C1QB: variants seen among roughly 807,000 people sequenced by gnomAD.
C1QB encodes complement C1q B chain.
In C1QB, 2 loss-of-function variants were observed where a neutral mutation model predicts 4.6. The ratio of observed to expected loss-of-function variants is 0.43; its 90% CI spans 0.18 to 1.36. The LOEUF is 1.36. Ranked by LOEUF, C1QB falls within the 40% of genes most tolerant of loss-of-function variation. C1QB has a pLI of 0.28. For missense variants in C1QB, 292 were observed against 338.0 expected (o/e 0.86, Z 1.07); for synonymous variants, 132 against 137.1 (o/e 0.96, Z 0.26).
At position 22,661,270 on chromosome 1, in the gene C1QB, C is replaced by G. The variant is rs746107945; in HGVS notation, c.640C>G (p.Leu214Val). 1 of 1,613,680 alleles carries G rather than the reference C, an allele frequency of 6.2e-7. No individual in the cohort carries two copies. The highest frequency in any genetic ancestry group is 8.5e-7 in the Non-Finnish European group (1 of 1,179,640). The change falls in exon 3 of 3, where the codon CTG (leucine) becomes GTG (valine). Residue 214 changes from leucine (L) to valine (V), a missense_variant. Leu to Val is a conservative substitution (Grantham distance 32). Coordinates refer to ENST00000509305, the MANE Select transcript of C1QB (RefSeq NM_001378156.1). ...QVTTGGMVLK[L>V]EQGENVFLQA... ...CACCACCGGTGGCATGGTCCTCAAG[C>G]TGGAGCAGGGGGAGAACGTCTTCCT...
Position 22,661,018 on chromosome 1 carries a change from G to T in C1QB, c.388G>T (p.Val130Phe). ...CTTCTCTGCCACAAGAACCATCAACGTCCCCCTGCGCCGGGACCAGACCAT... is the reference window on the plus strand; with the variant it reads ...CTTCTCTGCCACAAGAACCATCAACTTCCCCCTGCGCCGGGACCAGACCAT... ...IAFSATRTIN[V>F]PLRRDQTIRF... Residue 130 changes from valine (V) to phenylalanine (F), a missense_variant, in exon 3 of 3, where the codon GTC becomes TTC. Val to Phe is a conservative substitution (Grantham distance 50). Transcript: ENST00000509305. 6.2e-7 allele frequency: 1 copy of T among 1,613,814 alleles called. No individual in the cohort carries two copies. Among genetic ancestry groups the T allele is most frequent in the Non-Finnish European group, 8.5e-7 (1 of 1,179,938 alleles).
In C1QB at chr1:22,660,926, CA is replaced by C. The variant is rs1386448406; in HGVS notation, c.297del (p.Ala101ProfsTer43). On this transcript the variant is annotated frameshift_variant, in exon 3 of 3. Coordinates refer to ENST00000509305, the MANE Select transcript of C1QB (RefSeq NM_001378156.1). LOFTEE classifies it low-confidence loss of function (END_TRUNC). The part of the protein sequence containing the change: ...PKGPMGPKGG[P>X]GAPGAPGPKG... ...GGCCCCATGGGCCCTAAAGGTGGCC[CA>C]GGGGCCCCTGGAGCCCCAGGCCCCA... 1.9e-6 allele frequency: 3 copies of C among 1,613,546 alleles called. No individual in the cohort carries two copies. The highest frequency in any genetic ancestry group is 2.7e-5 in the African/African-American group (2 of 74,862).
At chr1:22,656,181 AT>A (rs1642529566) in intron 1 of C1QB, among the ~76,000 whole-genome samples, 1 of 152,232 alleles carries the variant, frequency 6.6e-6, no homozygotes, top group East Asian at 1.9e-4. Flanking sequence ...CAGAGGTGTC[AT>A]TGAGGAAACT....
intron 1 of C1QB, among the ~76,000 whole-genome samples, chr1:22,656,234 T>G (rs1340669987): frequency 3.3e-5 from 5 of 152,114 alleles, no homozygotes; most frequent in Non-Finnish European, 1.5e-5. Context: ...AAACATGGAA[T>G]TGCCATAAGC....
intron 2 of C1QB, among the ~76,000 whole-genome samples, chr1:22,660,062 TC>T (rs2148305489): frequency 6.6e-6 from 1 of 152,278 alleles, no homozygotes; most frequent in Non-Finnish European, 1.5e-5. Context: ...CAAATGAGAC[TC>T]CCAGCCTTGA....
chr1:22,653,776 T>C (rs1426858945), intron 1 of C1QB, among the ~76,000 whole-genome samples: 1 of 152,214 alleles, frequency 6.6e-6, no homozygotes, highest in African/African-American at 2.4e-5. Flanking sequence ...CAGTCGCTCC[T>C]GCCCGGCCCA....
At chr1:22,653,425 A>G (rs1435652884) in intron 1 of C1QB, 122 bp downstream of exon 1, 4 of 152,292 alleles carry the variant, frequency 2.6e-5, no homozygotes, top group Admixed American at 6.5e-5. Context: ...TTAACAGTGC[A>G]GGTAGCTGGG....
intron 1 of C1QB, 77 bp from the exon 2 acceptor site, chr1:22,659,360 ATGG>A: frequency 2.6e-6 from 3 of 1,170,126 alleles, no homozygotes; most frequent in Admixed American, 3.5e-5. Flanking sequence ...GGATGGATGG[ATGG>A]ATGGATGGAT....
At chr1:22,653,801 C>T (rs917619424) in intron 1 of C1QB, among the ~76,000 whole-genome samples, 3 of 152,164 alleles carry the variant, frequency 2.0e-5, no homozygotes, top group Non-Finnish European at 4.4e-5. Context: ...TTCCCCAACA[C>T]CTTGCTTATT....
intron 1 of C1QB, among the ~76,000 whole-genome samples, chr1:22,655,876 A>G (rs985983510): frequency 6.6e-6 from 1 of 152,186 alleles, no homozygotes; most frequent in African/African-American, 2.4e-5. Flanking sequence ...TTCCTGGAGG[A>G]AGAAGGCTTT....
At position 22,661,211 on chromosome 1, in the gene C1QB, C is replaced by A. The variant is rs762253660; in HGVS notation, c.581C>A (p.Thr194Asn). 1 of 1,613,824 alleles carries A rather than the reference C, an allele frequency of 6.2e-7. No individual in the cohort carries two copies. The highest frequency in any genetic ancestry group is 1.7e-5 in the Admixed American group (1 of 60,020). Reference protein sequence around the residue: ...RGRERAQKVVTFCDYAYNTFQ... With the variant: ...RGRERAQKVVNFCDYAYNTFQ... ...CGGGAGCGTGCACAGAAGGTGGTCA[C>A]CTTCTGTGACTATGCCTACAACACC... Residue 194 changes from threonine (T) to asparagine (N), a missense_variant, in exon 3 of 3, where the codon ACC becomes AAC. Transcript: ENST00000509305.
rs1480028945 is a variant in C1QB at position 22,659,513 on chromosome 1, G to C, written c.51G>C (p.Leu17=). 1 of 1,614,042 alleles carries C rather than the reference G, an allele frequency of 6.2e-7. No homozygotes were observed. The highest frequency in any genetic ancestry group is 8.5e-7 in the Non-Finnish European group (1 of 1,179,988). ...CAGTACTGATGTTGCTCCTGCTCCT[G>C]GGCCTAATCGATATCTCCCAGGCCC... is the stretch of plus-strand genomic sequence containing the variant. The part of the protein sequence containing the change: ...SIPVLMLLLL[L]GLIDISQAQL... The change falls in exon 2 of 3, where the codon CTG becomes CTC. Residue 17 remains leucine, a synonymous_variant. Transcript: ENST00000509305.
In C1QB at chr1:22,661,150, T is replaced by G; in HGVS notation, c.520T>G (p.Ser174Ala). ...CTACTACTTCACCTACCACGCCAGC[T>G]CTCGAGGGAACCTGTGCGTGAACCT... is the stretch of plus-strand genomic sequence containing the variant. ...GLYYFTYHAS[S>A]RGNLCVNLMR... The change falls in exon 3 of 3, where the codon TCT becomes GCT. Residue 174 changes from serine (S) to alanine (A), a missense_variant. Ser to Ala is a moderately conservative substitution (Grantham distance 99, BLOSUM62 1). Transcript: ENST00000509305. 4 of 1,614,004 alleles carry G rather than the reference T, an allele frequency of 2.5e-6. No homozygotes were observed. The highest frequency in any genetic ancestry group is 3.4e-6 in the Non-Finnish European group (4 of 1,179,984).
chr1:22,657,327 G>C (rs1286626315), intron 1 of C1QB, among the ~76,000 whole-genome samples: 1 of 152,130 alleles, frequency 6.6e-6, no homozygotes, highest in Non-Finnish European at 1.5e-5. Context: ...TGTCTGCCAG[G>C]AAAGAGGTAG....
intron 1 of C1QB, among the ~76,000 whole-genome samples, chr1:22,654,580 C>T (rs1642500237): frequency 2.0e-5 from 3 of 152,132 alleles, no homozygotes; most frequent in Admixed American, 1.3e-4. Context: ...ACATGCCAGG[C>T]TCTGTTGGAA....
intron 1 of C1QB, among the ~76,000 whole-genome samples, chr1:22,655,507 G>A (rs1642517361): frequency 6.6e-6 from 1 of 152,230 alleles, no homozygotes; most frequent in South Asian, 2.1e-4. Flanking sequence ...CCAGACTCTG[G>A]GGTTGGGACA....
chr1:22,660,962 C>T lies in C1QB; in HGVS notation c.332C>T (p.Ser111Leu), dbSNP rs745414763. The change falls in exon 3 of 3, where the codon TCG becomes TTG. Residue 111 changes from serine (S) to leucine (L), a missense_variant. Physicochemically the swap from Ser to Leu is moderately radical, Grantham distance 145. Transcript: ENST00000509305. ...APGAPGPKGE[S>L]GDYKATQKIA... is the part of the protein sequence containing the mutation. ...GGAGCCCCAGGCCCCAAAGGTGAAT[C>T]GGGAGACTACAAGGCCACCCAGAAA... 9 of 1,613,832 alleles carry T rather than the reference C, an allele frequency of 5.6e-6. No individual in the cohort carries two copies. In the East Asian group the frequency reaches 1.3e-4, roughly 24 times the overall value.
At chr1:22,654,704 C>T (rs1642506814) in intron 1 of C1QB, among the ~76,000 whole-genome samples, 1 of 152,166 alleles carries the variant, frequency 6.6e-6, no homozygotes. Context: ...AGTCCCTTAG[C>T]TAAGAAGCAG....
chr1:22,658,109 A>G (rs566709555), intron 1 of C1QB, among the ~76,000 whole-genome samples: 15 of 152,310 alleles, frequency 9.8e-5, no homozygotes, highest in African/African-American at 3.6e-4. Context: ...CCCGTTCATA[A>G]GCAGCATCAT....
Sources: allele counts gnomAD v4.1 joint callset (sites outside exome capture counted in the v4.1 genomes callset), GRCh38; gene constraint gnomAD v4.1.1; transcripts MANE v1.5; gene names NCBI Gene and HGNC (gene_info 2026-07-23, HGNC 2026-07-21).